The following TNRC6B variants were observed in gnomAD, a reference collection of about 807,000 sequenced individuals.
The protein encoded by TNRC6B is trinucleotide repeat containing adaptor 6B.
A neutral mutation model predicts 203.6 loss-of-function variants in TNRC6B; 52 were observed. The observed-to-expected ratio is 0.26, with a 90% CI of 0.20 to 0.32. The LOEUF (loss-of-function observed/expected upper bound fraction) is 0.32, where lower values mean the gene tolerates loss of function less well. Among genes scored for constraint, TNRC6B ranks in the 10% least tolerant of loss-of-function variants. TNRC6B has a pLI of 1.00. For synonymous variants in TNRC6B, 838 were observed against 845.7 expected (o/e 0.99, Z 0.16); for missense variants, 1,923 against 2,286.2 (o/e 0.84, Z 3.24).
Position 40,312,499 on chromosome 22 carries a change from T to C in TNRC6B, c.4436-6T>C. The stretch of plus-strand genomic sequence containing the variant: ...CCTTCTCTAATATTTGTTTTCCTTG[T>C]CTCAGAATTCCAACCAGGAGTGCCA... On this transcript the variant is annotated splice_region_variant and splice_polypyrimidine_tract_variant and intron_variant, in intron 17 of 22. Coordinates refer to ENST00000454349, the MANE Select transcript of TNRC6B (RefSeq NM_001162501.2). 4 of 1,601,510 alleles carry C rather than the reference T, an allele frequency of 2.5e-6. No individual in the cohort carries two copies. The highest frequency in any genetic ancestry group is 2.6e-6 in the Non-Finnish European group (3 of 1,176,286).
chr22:40,239,135 G>A (rs540617668), intron 1 of TNRC6B, among the ~76,000 whole-genome samples: 7 of 152,278 alleles, frequency 4.6e-5, no homozygotes, highest in African/African-American at 1.2e-4. Flanking sequence ...CCTGGGAGGC[G>A]GAGGTTGCAG....
intron 4 of TNRC6B, among the ~76,000 whole-genome samples, chr22:40,171,634 T>C (rs992806093): frequency 1.3e-5 from 2 of 152,176 alleles, no homozygotes; most frequent in Non-Finnish European, 2.9e-5. Context: ...AGGCATTCAG[T>C]GGAAAGCAAC....
intron 3 of TNRC6B, among the ~76,000 whole-genome samples, chr22:40,151,574 C>CTA (rs2068755712): frequency 1.8e-5 from 2 of 109,370 alleles, no homozygotes; most frequent in Admixed American, 1.7e-4. Flanking sequence ...AAAACTAAAA[C>CTA]AAAAACTCTC....
intron 3 of TNRC6B, among the ~76,000 whole-genome samples, chr22:40,149,222 T>G (rs989397849): frequency 1.3e-5 from 2 of 152,182 alleles, no homozygotes; most frequent in African/African-American, 4.8e-5. Flanking sequence ...CATGGATGAA[T>G]TTCAGAATGA....
intron 1 of TNRC6B, among the ~76,000 whole-genome samples, chr22:40,097,805 C>T (rs1386182605): frequency 6.7e-6 from 1 of 150,242 alleles, no homozygotes. Flanking sequence ...TATTTTTGAC[C>T]AACAGGGGAT....
chr22:40,304,149 C>T (rs530317963), intron 15 of TNRC6B, among the ~76,000 whole-genome samples: 3 of 152,188 alleles, frequency 2.0e-5, no homozygotes, highest in Non-Finnish European at 2.9e-5. Flanking sequence ...AAGGATACCT[C>T]TAAGTGAAAG....
intron 1 of TNRC6B, among the ~76,000 whole-genome samples, chr22:40,114,574 C>T (rs1004945088): frequency 1.2e-4 from 18 of 152,166 alleles, no homozygotes; most frequent in African/African-American, 4.3e-4. Context: ...CCTCCTGCCT[C>T]GGCCTCTCAA....
chr22:40,176,348 A>G (rs1394272207), upstream of TNRC6B, among the ~76,000 whole-genome samples: 1 of 152,010 alleles, frequency 6.6e-6, no homozygotes, highest in East Asian at 1.9e-4. Context: ...GCTGGTCTCG[A>G]ACTCCCGACC....
chr22:40,220,163 G>A lies in TNRC6B; in HGVS notation c.6-25852G>A, dbSNP rs578038043. 2.0e-5 allele frequency among the ~76,000 whole-genome samples: 3 copies of A among 152,234 alleles called. No homozygotes were observed. The East Asian group carries it at 5.8e-4, about 29-fold the overall frequency. ...CAGTGTGTCCTAGCTTGGATGCTGT[G>A]GCTTCCCGAGCTCTGAATCTATACT... On this transcript the variant is annotated intron_variant, in intron 1 of 22. Coordinates refer to ENST00000454349, the MANE Select transcript of TNRC6B (RefSeq NM_001162501.2).
At chr22:40,218,178 T>C (rs1569025177) in intron 1 of TNRC6B, among the ~76,000 whole-genome samples, 1 of 151,924 alleles carries the variant, frequency 6.6e-6, no homozygotes, top group Non-Finnish European at 1.5e-5. Flanking sequence ...TTTGATAATA[T>C]TAGGAATGAT....
intron 1 of TNRC6B, among the ~76,000 whole-genome samples, chr22:40,111,611 A>G (rs1339210842): frequency 6.6e-6 from 1 of 152,210 alleles, no homozygotes; most frequent in African/African-American, 2.4e-5. Flanking sequence ...TTCTGATTTG[A>G]GTGGGATGGC....
chr22:40,253,544 A>T, intron 3 of TNRC6B: 1 of 454,984 alleles, frequency 2.2e-6, no homozygotes, highest in Non-Finnish European at 4.4e-6. Flanking sequence ...CATACCTACT[A>T]TATAATGAAA....
intron 1 of TNRC6B, among the ~76,000 whole-genome samples, chr22:40,197,138 A>T (rs1387067977): frequency 1.3e-5 from 2 of 152,068 alleles, no homozygotes; most frequent in Admixed American, 6.5e-5. Flanking sequence ...TAAAATATGG[A>T]TGCAGATGAC....
intron 19 of TNRC6B, among the ~76,000 whole-genome samples, chr22:40,314,688 T>G (rs2071232692): frequency 6.6e-6 from 1 of 152,242 alleles, no homozygotes; most frequent in Non-Finnish European, 1.5e-5. Flanking sequence ...CTGTTGCTCA[T>G]CTGTTCTGTG....
intron 2 of TNRC6B, among the ~76,000 whole-genome samples, chr22:40,246,873 C>T (rs1316232416): frequency 2.6e-5 from 4 of 151,966 alleles, no homozygotes; most frequent in East Asian, 1.9e-4. Context: ...AGTGAGCCCA[C>T]GTAGTGCTTT....
At chr22:40,122,000 C>CA (rs1224791887) in intron 2 of TNRC6B, among the ~76,000 whole-genome samples, 1 of 152,210 alleles carries the variant, frequency 6.6e-6, no homozygotes, top group African/African-American at 2.4e-5. Context: ...GTCCAAGGCC[C>CA]AAAGTCCTGG....
At chr22:40,182,316 A>G (rs2069143908) in intron 1 of TNRC6B, among the ~76,000 whole-genome samples, 2 of 152,222 alleles carry the variant, frequency 1.3e-5, no homozygotes, top group African/African-American at 4.8e-5. Flanking sequence ...TTATTTAGAT[A>G]TTAGACTTCT....
intron 1 of TNRC6B, among the ~76,000 whole-genome samples, chr22:40,221,944 C>T (rs1286567782): frequency 2.0e-5 from 3 of 151,952 alleles, no homozygotes; most frequent in African/African-American, 7.3e-5. Flanking sequence ...GCTTCCTGTC[C>T]TGAAGTGATG....
At chr22:40,087,546 A>G (rs1159986222) in intron 1 of TNRC6B, among the ~76,000 whole-genome samples, 1 of 152,218 alleles carries the variant, frequency 6.6e-6, no homozygotes, top group African/African-American at 2.4e-5. Context: ...ATTTTAGGAA[A>G]AATACAGGGA....
Sources: gnomAD v4.1 joint callset for allele counts (sites outside exome capture counted in the v4.1 genomes callset) on GRCh38, gnomAD v4.1.1 for gene constraint, MANE v1.5 for transcripts, NCBI Gene and HGNC (gene_info 2026-07-23, HGNC 2026-07-21) for gene names.